GRWD1: variants seen among roughly 807,000 people sequenced by gnomAD.
The protein encoded by GRWD1 is glutamate-rich WD repeat-containing protein 1.
GRWD1 carries 29 observed loss-of-function variants against 45.3 expected under a neutral mutation model. That is an observed-to-expected ratio of 0.64 (90% CI 0.48 to 0.87). GRWD1 has a LOEUF of 0.87. GRWD1 is among the 40% of genes least tolerant of loss of function. GRWD1 has a pLI of 0.00. For missense variants in GRWD1, 592 were observed against 618.8 expected, an observed-to-expected ratio of 0.96 and a Z score of 0.46; for synonymous variants, 262 against 257.6, an observed-to-expected ratio of 1.02 and a Z score of -0.16.
Position 48,450,295 on chromosome 19 carries a change from C to T in GRWD1, c.469-18C>T, listed in dbSNP as rs779629876. 19 of 1,597,578 alleles carry T rather than the reference C, an allele frequency of 1.2e-5. No homozygotes were observed. Among genetic ancestry groups the T allele is most frequent in the Non-Finnish European group, 1.5e-5 (18 of 1,171,312 alleles). On this transcript the variant is annotated intron_variant, in intron 3 of 6. Coordinates refer to ENST00000253237, the MANE Select transcript of GRWD1 (RefSeq NM_031485.4). This position sits in a 1 kb window ranked among gnomAD's most constrained non-coding sequence, Gnocchi z 5.1. ...TCCCCTCGCTTCACATCACCCTTCCCCCACCGCTCTTCTGCAGGTGTCATG... is the reference window on the plus strand; with the variant it reads ...TCCCCTCGCTTCACATCACCCTTCCTCCACCGCTCTTCTGCAGGTGTCATG...
chr19:48,452,726 A>G lies in GRWD1; in HGVS notation c.1042A>G (p.Thr348Ala). The G allele has an allele frequency of 6.4e-7, 1 of 1,573,980 alleles. No homozygotes were observed. Among genetic ancestry groups the G allele is most frequent in the Admixed American group, 1.7e-5 (1 of 57,992 alleles). Residue 348 changes from threonine (T) to alanine (A), a missense_variant, in exon 7 of 7, where the codon ACC becomes GCC. Physicochemically the swap from Thr to Ala is moderately conservative, Grantham distance 58 (BLOSUM62 0). Coordinates refer to ENST00000253237, the MANE Select transcript of GRWD1 (RefSeq NM_031485.4). This position sits in a 1 kb window ranked among gnomAD's most constrained non-coding sequence, Gnocchi z 5.1. ...CCTCTAGTCTGGTTCCCCAGTGGCC[A>G]CCTTCAAGCAGCACGTGGCCCCCGT... is the stretch of plus-strand genomic sequence containing the variant. ...RQFKSGSPVA[T>A]FKQHVAPVTS...
rs58562169 is a variant in GRWD1, at chr19:48,452,089, CTT to C, written c.1024-603_1024-602del. 6.2e-4 allele frequency among the ~76,000 whole-genome samples: 91 copies of C among 146,032 alleles called. No individual in the cohort carries two copies. The highest frequency in any genetic ancestry group is 2.2e-3 in the African/African-American group (88 of 39,498). Reference sequence around the variant, plus strand: ...GGGAGAGCCATGCCCTCCTTTTTTTCTTTTTTTTTTTTTTTTTCTTTTTTTTT... The same window carrying C: ...GGGAGAGCCATGCCCTCCTTTTTTTCTTTTTTTTTTTTTTTCTTTTTTTTT... On this transcript the variant is annotated intron_variant, in intron 6 of 6. Coordinates refer to ENST00000253237, the MANE Select transcript of GRWD1 (RefSeq NM_031485.4). This position sits in a 1 kb window ranked among gnomAD's most constrained non-coding sequence, Gnocchi z 5.1.
At position 48,446,791 on chromosome 19, in the gene GRWD1, CT is replaced by C; in HGVS notation, c.417del (p.Gln140SerfsTer65). The C allele has an allele frequency of 6.2e-7, 1 of 1,614,122 alleles. No individual in the cohort carries two copies. The highest frequency in any genetic ancestry group is 8.5e-7 in the Non-Finnish European group (1 of 1,180,028). On this transcript the variant is annotated frameshift_variant, in exon 3 of 7. Transcript: ENST00000253237. LOFTEE classifies it high-confidence loss of function. ...EDEEDEEERKPQLELAMVPHY... is the reference protein window; with the variant it reads ...EDEEDEEERKXQLELAMVPHY... The stretch of plus-strand genomic sequence containing the variant: ...GAAGAGGATGAAGAAGAGCGGAAAC[CT>C]CAGCTGGAGCTGGCCATGGTGCCCC...
intron 3 of GRWD1, among the ~76,000 whole-genome samples, chr19:48,449,626 C>A (rs368898220): frequency 2.6e-5 from 4 of 152,264 alleles, no homozygotes; most frequent in Admixed American, 1.3e-4. Flanking sequence ...AGTTCCAGAC[C>A]AGCCTGGGCA....
chr19:48,446,436 G>T lies in GRWD1; in HGVS notation c.239G>T (p.Arg80Leu). The change falls in exon 2 of 7, where the codon CGG becomes CTG. Residue 80 changes from arginine to leucine, a missense_variant. Transcript: ENST00000253237. ...GTCCGGGATCACCTGGGAGACAACC[G>T]GACAGAGCTTCCTCTTACACTTTAC... ...DIVRDHLGDN[R>L]TELPLTLYLC... The T allele has an allele frequency of 6.2e-7, 1 of 1,614,178 alleles. No individual in the cohort carries two copies. Among genetic ancestry groups the T allele is most frequent in the Non-Finnish European group, 8.5e-7 (1 of 1,180,026 alleles).
In GRWD1 at chr19:48,453,128, C is replaced by G; in HGVS notation, c.*103C>G. On this transcript the variant is annotated 3_prime_UTR_variant, in exon 7 of 7. Transcript: ENST00000253237. ...AGGTCTGTTGACTGAGACTGGCCGG[C>G]CTGTGGGCTGCCGTGATGGATTCTG... 2 of 1,035,046 alleles carry G rather than the reference C, an allele frequency of 1.9e-6. No individual in the cohort carries two copies. Among genetic ancestry groups the G allele is most frequent in the South Asian group, 1.6e-5 (1 of 62,526 alleles). 64.1% of individuals were successfully genotyped at this position (1,035,046 alleles called of 1,614,324 possible).
Position 48,450,875 on chromosome 19 carries a change from G to A in GRWD1, c.825+67G>A. 6.5e-7 allele frequency: 1 copy of A among 1,542,100 alleles called. No individual in the cohort carries two copies. On this transcript the variant is annotated intron_variant, in intron 5 of 6. Transcript: ENST00000253237. The surrounding 1 kb of genome is among the most constrained non-coding windows in gnomAD (Gnocchi z 5.1). ...TCTAGGCCAGGGACCTAGAATCCTA[G>A]GTCTGAGGGAAAAGAGGGCTGGGAG... is the stretch of plus-strand genomic sequence containing the variant.
At chr19:48,449,571 C>G (rs934834277) in intron 3 of GRWD1, among the ~76,000 whole-genome samples, 6 of 152,126 alleles carry the variant, frequency 3.9e-5, no homozygotes, top group Admixed American at 3.9e-4. Context: ...GCCTGTAATC[C>G]CAGCACTTTG....
Position 48,450,847 on chromosome 19 carries a change from G to T in GRWD1, c.825+39G>T. The T allele has an allele frequency of 6.3e-7, 1 of 1,590,076 alleles. No homozygotes were observed. Among genetic ancestry groups the T allele is most frequent in the Non-Finnish European group, 8.6e-7 (1 of 1,164,940 alleles). On this transcript the variant is annotated intron_variant, in intron 5 of 6. Transcript: ENST00000253237. The surrounding 1 kb of genome is among the most constrained non-coding windows in gnomAD (Gnocchi z 5.1). ...GGGTTCTGGTCGTTTAGTTCTGATG[G>T]ATTCTAGGCCAGGGACCTAGAATCC...
In GRWD1 at chr19:48,450,346, G is replaced by C. The variant is rs148152481; in HGVS notation, c.502G>C (p.Val168Leu). Residue 168 changes from valine (V) to leucine (L), a missense_variant, in exon 4 of 7, where the codon GTG becomes CTG. Physicochemically the swap from Val to Leu is conservative, Grantham distance 32. Transcript: ENST00000253237. The surrounding 1 kb of genome is among the most constrained non-coding windows in gnomAD (Gnocchi z 5.1). ...GCTGGGTGAAGAGCCTGTGGCTGGG[G>C]TGTGGTCAGAGAAGGGCCAGGTGGA... Reference protein sequence around the residue: ...SWLGEEPVAGVWSEKGQVEVF... With the variant: ...SWLGEEPVAGLWSEKGQVEVF... 2,100 of 1,612,814 alleles carry C rather than the reference G, an allele frequency of 1.3e-3. No homozygotes were observed. Among genetic ancestry groups the C allele is most frequent in the Middle Eastern group, 3.5e-3 (19 of 5,358 alleles).
Position 48,450,499 on chromosome 19 carries a change from G to A in GRWD1, c.655G>A (p.Ala219Thr). 2 of 1,614,146 alleles carry A rather than the reference G, an allele frequency of 1.2e-6. No homozygotes were observed. The highest frequency in any genetic ancestry group is 2.2e-5 in the East Asian group (1 of 44,874). ...SFAGHMGEGF[A>T]LDWSPRVTGR... Reference sequence around the variant, plus strand: ...CGCTGGACACATGGGCGAGGGCTTTGCCCTTGACTGGTCCCCCCGGGTGAC... The same window carrying A: ...CGCTGGACACATGGGCGAGGGCTTTACCCTTGACTGGTCCCCCCGGGTGAC... Residue 219 changes from alanine to threonine, a missense_variant, in exon 4 of 7, where the codon GCC (alanine) becomes ACC (threonine). By Grantham distance (58) the Ala-to-Thr change is moderately conservative (BLOSUM62 0). Coordinates refer to ENST00000253237, the MANE Select transcript of GRWD1 (RefSeq NM_031485.4). The surrounding 1 kb of genome is among the most constrained non-coding windows in gnomAD (Gnocchi z 5.1).
At chr19:48,451,356 C>T (rs1971474211) in intron 6 of GRWD1, 125 bp downstream of exon 6, 9 of 801,794 alleles carry the variant, frequency 1.1e-5, no homozygotes, top group Middle Eastern at 3.8e-4. Context: ...TAGAACTAGA[C>T]TCCTGCCTCT....
rs939982379 is a variant in GRWD1, at chr19:48,455,916, C to T, written c.*2891C>T. On this transcript the variant is annotated 3_prime_UTR_variant, in exon 7 of 7. Coordinates refer to ENST00000253237, the MANE Select transcript of GRWD1 (RefSeq NM_031485.4). Reference sequence around the variant, plus strand: ...CTGTGGGCATGTCGGGAGCTCATCACGAGGCCTCGTACATACCAGGTGTGT... The same window carrying T: ...CTGTGGGCATGTCGGGAGCTCATCATGAGGCCTCGTACATACCAGGTGTGT... The T allele has an allele frequency of 3.3e-5, 5 of 152,258 alleles. No homozygotes were observed. The highest frequency in any genetic ancestry group is 7.2e-5 in the African/African-American group (3 of 41,430). The allele number at this position is 152,258 out of a possible 1,614,324, so 9.4% of individuals were successfully genotyped here.
rs1276727192 is a variant in GRWD1 at position 48,446,068 on chromosome 19, C to A, written c.63C>A (p.Ser21=). 6.3e-7 allele frequency: 1 copy of A among 1,596,914 alleles called. No individual in the cohort carries two copies. The highest frequency in any genetic ancestry group is 2.3e-5 in the East Asian group (1 of 44,278). The part of the protein sequence containing the change: ...CETGEPMEAE[S]GDTSSEGPAQ... ...CCGGGGAACCCATGGAAGCCGAGTC[C>A]GGCGACACAAGTTCCGAGGGCCCGG... Residue 21 remains serine, a synonymous_variant, in exon 1 of 7, where the codon TCC becomes TCA. Transcript: ENST00000253237.
rs867077056 is a variant in GRWD1, at chr19:48,454,026, T to A, written c.*1001T>A. On this transcript the variant is annotated 3_prime_UTR_variant, in exon 7 of 7. Transcript: ENST00000253237. The stretch of plus-strand genomic sequence containing the variant: ...AGGCCGCTAGGCTGGGGGAGGCCAC[T>A]GGGAGTCCAGTGCAACCCAACCTTC... 1.3e-5 allele frequency: 2 copies of A among 152,124 alleles called. No individual in the cohort carries two copies. The highest frequency in any genetic ancestry group is 4.8e-5 in the African/African-American group (2 of 41,374). 9.4% of individuals were successfully genotyped at this position (152,124 alleles called of 1,614,324 possible).
At chr19:48,448,493 C>CG (rs1971436338) in intron 3 of GRWD1, among the ~76,000 whole-genome samples, 1 of 152,148 alleles carries the variant, frequency 6.6e-6, no homozygotes, top group Admixed American at 6.6e-5. Flanking sequence ...CGAGATGAAA[C>CG]TAAGTAAATG....
At chr19:48,447,070 C>A in intron 3 of GRWD1, among the ~76,000 whole-genome samples, 1 of 124,102 alleles carries the variant, frequency 8.1e-6, no homozygotes, top group Admixed American at 8.6e-5. Context: ...GTGCCTGGCC[C>A]ATTTTTTTTT....
rs191132900 is a variant in GRWD1 at position 48,450,062 on chromosome 19, G to C, written c.469-251G>C. Among the ~76,000 whole-genome samples, 206 of 152,004 alleles carry C rather than the reference G, an allele frequency of 1.4e-3. 5 individuals are homozygous for C. The highest frequency in any genetic ancestry group is 0.013 in the Admixed American group (205 of 15,268). On this transcript the variant is annotated intron_variant, in intron 3 of 6. Coordinates refer to ENST00000253237, the MANE Select transcript of GRWD1 (RefSeq NM_031485.4). The surrounding 1 kb of genome is among the most constrained non-coding windows in gnomAD (Gnocchi z 5.1). Reference sequence around the variant, plus strand: ...TGCAGCCTCAACTCCCAGGCATCCTGGGGCTCTATCCTCCCACCTCAGCTC... The same window carrying C: ...TGCAGCCTCAACTCCCAGGCATCCTCGGGCTCTATCCTCCCACCTCAGCTC...
rs757669835 is a variant in GRWD1, at chr19:48,450,754, C to T, written c.771C>T (p.Phe257=). 2.9e-5 allele frequency: 47 copies of T among 1,614,062 alleles called. No individual in the cohort carries two copies. Among genetic ancestry groups the T allele is most frequent in the Non-Finnish European group, 3.6e-5 (43 of 1,180,016 alleles). The change falls in exon 5 of 7, where the codon TTC becomes TTT. Residue 257 remains phenylalanine (F), a synonymous_variant. Transcript: ENST00000253237. The surrounding 1 kb of genome is among the most constrained non-coding windows in gnomAD (Gnocchi z 5.1). ...CCTGGCACGTGGACCAGCGGCCATT[C>T]GTGGGCCACACACGCTCTGTGGAGG... The part of the protein sequence containing the change: ...GGSWHVDQRP[F]VGHTRSVEDL...
Sources: gnomAD v4.1 joint callset for allele counts (sites outside exome capture counted in the v4.1 genomes callset) on GRCh38, gnomAD v4.1.1 for gene constraint, Gnocchi (gnomAD v3.1) non-coding constraint, MANE v1.5 for transcripts, NCBI Gene and HGNC (gene_info 2026-07-23, HGNC 2026-07-21) for gene names.